AGO1: variants seen among roughly 807,000 people sequenced by gnomAD.
AGO1 encodes the protein argonaute RISC component 1, also known as protein argonaute-1.
A neutral mutation model predicts 109.2 loss-of-function variants in AGO1; 11 were observed. That is an observed-to-expected ratio of 0.10 (90% CI 0.06 to 0.17). The LOEUF is 0.17. Ranked by LOEUF, AGO1 falls within the 10% of genes least tolerant of loss-of-function variation. AGO1 has a pLI of 1.00. For missense variants in AGO1, 574 were observed against 1,140.3 expected (o/e 0.50, Z 7.15); for synonymous variants, 422 against 418.6 (o/e 1.01, Z -0.10).
At chr1:35,887,484 C>G (rs1645139745) in intron 1 of AGO1, among the ~76,000 whole-genome samples, 1 of 152,164 alleles carries the variant, frequency 6.6e-6, no homozygotes, top group Non-Finnish European at 1.5e-5. Flanking sequence ...ATCCCTTTCC[C>G]AAGGGCCTCC....
In AGO1 at chr1:35,927,528, A is replaced by G. The variant is rs971236523; in HGVS notation, c.*7921A>G. 3 of 152,212 alleles carry G rather than the reference A, an allele frequency of 2.0e-5. No individual in the cohort carries two copies. The highest frequency in any genetic ancestry group is 7.2e-5 in the African/African-American group (3 of 41,456). The allele number at this position is 152,212 out of a possible 1,614,324, so 9.4% of individuals were successfully genotyped here. On this transcript the variant is annotated 3_prime_UTR_variant, in exon 19 of 19. Transcript: ENST00000373204. The stretch of plus-strand genomic sequence containing the variant: ...GACAGATTTTTCTGTGTCCTTCTAA[A>G]GCAAGGAAGTCTTCCCCTGGAAGCT...
At chr1:35,897,264 T>A (rs932821295) in intron 8 of AGO1, among the ~76,000 whole-genome samples, 2 of 151,996 alleles carry the variant, frequency 1.3e-5, no homozygotes. Context: ...GTTAGGGAGG[T>A]CCTCTTTTAG....
intron 8 of AGO1, among the ~76,000 whole-genome samples, chr1:35,899,852 T>TC (rs929248363): frequency 2.6e-5 from 4 of 152,312 alleles, no homozygotes; most frequent in Middle Eastern, 3.4e-3. Context: ...TATTTTTTTT[T>TC]CTCATGTTTG....
chr1:35,888,300 T>C lies in AGO1; in HGVS notation c.26-127T>C, dbSNP rs1557603356. On this transcript the variant is annotated intron_variant, in intron 1 of 18. Coordinates refer to ENST00000373204, the MANE Select transcript of AGO1 (RefSeq NM_012199.5). This position sits in a 1 kb window ranked among gnomAD's most constrained non-coding sequence, Gnocchi z 4.1. Reference sequence around the variant, plus strand: ...TGTCCCCTGGAAGCCCTTGGCTGGGTTGGGTAGCAGGAAAGAGGCATTCTC... The same window carrying C: ...TGTCCCCTGGAAGCCCTTGGCTGGGCTGGGTAGCAGGAAAGAGGCATTCTC... The C allele has an allele frequency of 8.8e-6, 8 of 910,530 alleles. No homozygotes were observed. The East Asian group carries it at 2.1e-4, about 24-fold the overall frequency. The allele number at this position is 910,530 out of a possible 1,614,324, so 56.4% of individuals were successfully genotyped here.
chr1:35,917,584 T>C lies in AGO1; in HGVS notation c.2029-9T>C. The stretch of plus-strand genomic sequence containing the variant: ...TTCTTTGTTTCCCTCCCCATTTTTT[T>C]GTGCCTAGATACTCCACTATGAGCT... On this transcript the variant is annotated splice_polypyrimidine_tract_variant and intron_variant, in intron 15 of 18. Transcript: ENST00000373204. The C allele has an allele frequency of 6.2e-7, 1 of 1,605,884 alleles. No individual in the cohort carries two copies. Among genetic ancestry groups the C allele is most frequent in the Non-Finnish European group, 8.5e-7 (1 of 1,173,784 alleles).
chr1:35,876,428 A>G (rs899096992), intron 1 of AGO1, among the ~76,000 whole-genome samples: 1 of 151,758 alleles, frequency 6.6e-6, no homozygotes, highest in African/African-American at 2.4e-5. Context: ...CACCATGCCC[A>G]GCTAATTTTT....
At chr1:35,908,323 C>T (rs1259467540) in intron 12 of AGO1, among the ~76,000 whole-genome samples, 1 of 152,152 alleles carries the variant, frequency 6.6e-6, no homozygotes, top group East Asian at 1.9e-4. Flanking sequence ...ACCAGGAATC[C>T]TTGGTATTCT....
chr1:35,883,406 C>T lies in AGO1; in HGVS notation c.-16C>T, dbSNP rs369830249. ...CACAGTCTCCGGGCCGCCTGACCTC[C>T]GCACGGGTATATGGGATGGAAGCGG... On this transcript the variant is annotated 5_prime_UTR_variant, in exon 1 of 19. Transcript: ENST00000373204. This position sits in a 1 kb window ranked among gnomAD's most constrained non-coding sequence, Gnocchi z 5.4. 230 of 1,580,490 alleles carry T rather than the reference C, an allele frequency of 1.5e-4. 1 individual carries two copies. In the African/African-American group the frequency reaches 2.8e-3, roughly 19 times the overall value.
chr1:35,884,473 T>C (rs1047046623), intron 1 of AGO1, among the ~76,000 whole-genome samples: 2 of 152,192 alleles, frequency 1.3e-5, no homozygotes, highest in Admixed American at 6.5e-5. Flanking sequence ...GATTTTCCAT[T>C]GAATTGTCTG....
chr1:35,899,272 T>G (rs1171458555), intron 8 of AGO1, among the ~76,000 whole-genome samples: 1 of 152,262 alleles, frequency 6.6e-6, no homozygotes, highest in African/African-American at 2.4e-5. Flanking sequence ...TATCATGTTT[T>G]GTTTATTCAT....
At chr1:35,904,140 C>G (rs1270319373) in intron 11 of AGO1, among the ~76,000 whole-genome samples, 1 of 121,040 alleles carries the variant, frequency 8.3e-6, no homozygotes, top group African/African-American at 3.3e-5. Context: ...GAGGCGGAGT[C>G]TCTCTCTGTC....
intron 16 of AGO1, 94 bp downstream of exon 16, chr1:35,917,821 C>G: frequency 1.3e-6 from 2 of 1,513,148 alleles, no homozygotes; most frequent in Non-Finnish European, 1.8e-6. Context: ...GGATTTAGTC[C>G]TTGTCCTATC....
chr1:35,914,211 A>G lies in AGO1; in HGVS notation c.1770A>G (p.Ile590Met). The change falls in exon 14 of 19, where the codon ATA becomes ATG. Residue 590 changes from isoleucine (I) to methionine (M), a missense_variant. Physicochemically the swap from Ile to Met is conservative, Grantham distance 10. This residue lies in a region of AGO1 where 68 missense variants were observed against 200.2 expected (regional missense o/e 0.34). Transcript: ENST00000373204. ...QRSAVFQQPV[I>M]FLGADVTHPP... is the part of the protein sequence containing the mutation. Reference sequence around the variant, plus strand: ...CTGCCGTTTTTCAACAGCCAGTGATATTCCTGGGAGCAGATGTTACACACC... The same window carrying G: ...CTGCCGTTTTTCAACAGCCAGTGATGTTCCTGGGAGCAGATGTTACACACC... The G allele has an allele frequency of 6.2e-7, 1 of 1,614,164 alleles. No individual in the cohort carries two copies. Among genetic ancestry groups the G allele is most frequent in the Non-Finnish European group, 8.5e-7 (1 of 1,180,022 alleles).
At chr1:35,874,953 A>C (rs1451472720) in intron 1 of AGO1, among the ~76,000 whole-genome samples, 1 of 152,232 alleles carries the variant, frequency 6.6e-6, no homozygotes, top group Non-Finnish European at 1.5e-5. Flanking sequence ...CAACAGAGGT[A>C]AGGTAGCTAT....
chr1:35,888,260 C>T lies in AGO1; in HGVS notation c.26-167C>T, dbSNP rs548907675. 1.1e-4 allele frequency among the ~76,000 whole-genome samples: 17 copies of T among 152,288 alleles called. No individual in the cohort carries two copies. Among genetic ancestry groups the T allele is most frequent in the African/African-American group, 4.1e-4 (17 of 41,568 alleles). ...TAAAAAAGAAAAAAGAGAAAAAACA[C>T]AGATGAGCTTGAGATGTCCCCTGGA... On this transcript the variant is annotated intron_variant, in intron 1 of 18. Coordinates refer to ENST00000373204, the MANE Select transcript of AGO1 (RefSeq NM_012199.5). The surrounding 1 kb of genome is among the most constrained non-coding windows in gnomAD (Gnocchi z 4.1).
chr1:35,916,918 G>C (rs147889567), intron 15 of AGO1, among the ~76,000 whole-genome samples: 2 of 152,324 alleles, frequency 1.3e-5, no homozygotes, highest in African/African-American at 2.4e-5. Flanking sequence ...GAGAAAATGA[G>C]ACTTAGTGGA....
rs769350663 is a variant in AGO1, at chr1:35,893,987, A to G, written c.650-50A>G. On this transcript the variant is annotated intron_variant, in intron 5 of 18. Transcript: ENST00000373204. The surrounding 1 kb of genome is among the most constrained non-coding windows in gnomAD (Gnocchi z 5.6). ...GGTATAAATTGCTGTGCCTCCATGT[A>G]TTGTGGAAGACAGAACCTGAGCTGA... 28 of 1,523,336 alleles carry G rather than the reference A, an allele frequency of 1.8e-5. No homozygotes were observed. The South Asian group carries it at 2.5e-4, about 13-fold the overall frequency. 94.4% of individuals were successfully genotyped at this position (1,523,336 alleles called of 1,614,324 possible).
At chr1:35,918,969 C>T in intron 17 of AGO1, 86 bp from the exon 18 acceptor site, 1 of 1,223,690 alleles carries the variant, frequency 8.2e-7, no homozygotes, top group Non-Finnish European at 1.2e-6. Context: ...ATCTACCCAG[C>T]CATATTCTTA....
At chr1:35,883,177 C>A (rs1645055964), upstream of AGO1, 1 of 1,155,078 alleles carries the variant, frequency 8.7e-7, no homozygotes, top group East Asian at 4.4e-5. This position sits in a 1 kb window ranked among gnomAD's most constrained non-coding sequence, Gnocchi z 5.4. Context: ...TCGTTCCGGT[C>A]CGCCCCCTGG....
Sources: gnomAD v4.1 joint callset for allele counts (sites outside exome capture counted in the v4.1 genomes callset) on GRCh38, gnomAD v4.1.1 for gene constraint, gnomAD v4.1.1 regional missense constraint, Gnocchi (gnomAD v3.1) non-coding constraint, MANE v1.5 for transcripts, NCBI Gene and HGNC (gene_info 2026-07-23, HGNC 2026-07-21) for gene names.